Variants in ZNF827 observed in about 807,000 individuals in gnomAD.
The protein encoded by ZNF827 is zinc finger protein 827.
In ZNF827, 13 loss-of-function variants were observed where a neutral mutation model predicts 102.4. That is an observed-to-expected ratio of 0.13 (90% CI 0.08 to 0.20). The LOEUF (loss-of-function observed/expected upper bound fraction) is 0.20. Ranked by LOEUF, ZNF827 falls within the 10% of genes least tolerant of loss-of-function variation. The pLI is 1.00. For synonymous variants in ZNF827, 523 were observed against 536.2 expected, an observed-to-expected ratio of 0.98 and a Z score of 0.34; for missense variants, 1,103 against 1,344.4, an observed-to-expected ratio of 0.82 and a Z score of 2.81.
chr4:145,761,152 G>T lies in ZNF827; in HGVS notation c.*464C>A, dbSNP rs558191982. On this transcript the variant is annotated 3_prime_UTR_variant, in exon 15 of 15. Coordinates refer to ENST00000508784, the MANE Select transcript of ZNF827 (RefSeq NM_001306215.2). The surrounding 1 kb of genome is among the most constrained non-coding windows in gnomAD (Gnocchi z 6.8). ...CCCCGGGCCGGCCGGTTCCTTGGGG[G>T]CTGGACACAGGCCCTTCTTGTCCTC... 480 of 1,289,844 alleles carry T rather than the reference G, an allele frequency of 3.7e-4. 2 individuals are homozygous for T. Among genetic ancestry groups the T allele is most frequent in the Non-Finnish European group, 4.4e-4 (439 of 988,874 alleles). The allele number at this position is 1,289,844 out of a possible 1,614,324, so 79.9% of individuals were successfully genotyped here.
At chr4:145,932,965 A>T (rs1390445815) in intron 1 of ZNF827, among the ~76,000 whole-genome samples, 1 of 152,222 alleles carries the variant, frequency 6.6e-6, no homozygotes, top group Non-Finnish European at 1.5e-5. Context: ...ATGCACAGCA[A>T]GCTCTAACAC....
chr4:145,772,215 C>T lies in ZNF827; in HGVS notation c.2860+2291G>A, dbSNP rs541413046. Among the ~76,000 whole-genome samples, 107 of 152,330 alleles carry T rather than the reference C, an allele frequency of 7.0e-4. 2 individuals are homozygous for T. Among genetic ancestry groups the T allele is most frequent in the African/African-American group, 2.5e-3 (102 of 41,576 alleles). ...CAAATATATTCATTCACTGAAGGTA[C>T]ATTGATTCCCCACTTGTACTGTGTA... On this transcript the variant is annotated intron_variant, in intron 11 of 14. Coordinates refer to ENST00000508784, the MANE Select transcript of ZNF827 (RefSeq NM_001306215.2).
chr4:145,883,247 A>G (rs950454644), intron 4 of ZNF827, among the ~76,000 whole-genome samples: 2 of 152,180 alleles, frequency 1.3e-5, no homozygotes, highest in Non-Finnish European at 2.9e-5. Context: ...AACAGTGCAT[A>G]CAAGTCAGGT....
chr4:145,878,629 G>GGAAA (rs1270605656), intron 4 of ZNF827, among the ~76,000 whole-genome samples: 10 of 140,922 alleles, frequency 7.1e-5, no homozygotes, highest in African/African-American at 2.8e-4. Context: ...GGAAAGGAAA[G>GGAAA]GAAAGGAAAG....
Position 145,790,232 on chromosome 4 carries a change from A to G in ZNF827, c.2384-10721T>C, listed in dbSNP as rs549259355. Reference sequence around the variant, plus strand: ...ATATGAGAACACCTTGAGGAAAAACATTATCATTGTTTGGGCAGATATAAG... The same window carrying G: ...ATATGAGAACACCTTGAGGAAAAACGTTATCATTGTTTGGGCAGATATAAG... On this transcript the variant is annotated intron_variant, in intron 8 of 14. Transcript: ENST00000508784. 3.9e-5 allele frequency among the ~76,000 whole-genome samples: 6 copies of G among 152,284 alleles called. No individual in the cohort carries two copies. The East Asian group carries it at 1.2e-3, about 29-fold the overall frequency.
At chr4:145,826,330 A>C (rs752825692) in intron 7 of ZNF827, among the ~76,000 whole-genome samples, 7 of 152,256 alleles carry the variant, frequency 4.6e-5, no homozygotes, top group Admixed American at 1.3e-4. Flanking sequence ...TAAAGTTCTC[A>C]GTACATAGTA....
At chr4:145,767,685 G>C (rs1735522741) in intron 11 of ZNF827, among the ~76,000 whole-genome samples, 1 of 152,206 alleles carries the variant, frequency 6.6e-6, no homozygotes, top group Non-Finnish European at 1.5e-5. Flanking sequence ...TGGACACTAT[G>C]CAAGTAAGAA....
In ZNF827 at chr4:145,765,771, TG is replaced by T; in HGVS notation, c.2861-34del. On this transcript the variant is annotated intron_variant, in intron 11 of 14. Transcript: ENST00000508784. The surrounding 1 kb of genome is among the most constrained non-coding windows in gnomAD (Gnocchi z 4.7). ...ATAAGCAAATAACCCAGTCTGTTAA[TG>T]AGATGAAAATCCTCAGAATTATAGC... is the stretch of plus-strand genomic sequence containing the variant. 1 of 1,598,710 alleles carries T rather than the reference TG, an allele frequency of 6.3e-7. No individual in the cohort carries two copies. Among genetic ancestry groups the T allele is most frequent in the Non-Finnish European group, 8.5e-7 (1 of 1,171,536 alleles).
chr4:145,776,029 A>C, intron 9 of ZNF827, 69 bp from the exon 10 acceptor site: 1 of 1,570,226 alleles, frequency 6.4e-7, no homozygotes, highest in Non-Finnish European at 8.7e-7. Flanking sequence ...CCTTGCAAGA[A>C]TCAGTTAAAG....
At chr4:145,843,375 C>A (rs937634641) in intron 7 of ZNF827, among the ~76,000 whole-genome samples, 1 of 152,174 alleles carries the variant, frequency 6.6e-6, no homozygotes, top group South Asian at 2.1e-4. Flanking sequence ...TTTCCTCTTA[C>A]TCATAATCTC....
At chr4:145,912,125 AT>A (rs1752339395) in intron 1 of ZNF827, among the ~76,000 whole-genome samples, 1 of 152,240 alleles carries the variant, frequency 6.6e-6, no homozygotes, top group South Asian at 2.1e-4. Context: ...GTAACCAAAA[AT>A]TATCAAAGTG....
chr4:145,937,635 G>A (rs1325698710), intron 1 of ZNF827, among the ~76,000 whole-genome samples: 2 of 145,850 alleles, frequency 1.4e-5, no homozygotes, highest in Non-Finnish European at 3.0e-5. Context: ...GTGTACCCGT[G>A]TGTTTGTGTG....
At chr4:145,890,161 C>T (rs1047164156) in intron 3 of ZNF827, among the ~76,000 whole-genome samples, 1 of 151,902 alleles carries the variant, frequency 6.6e-6, no homozygotes, top group Non-Finnish European at 1.5e-5. Context: ...AAAAAAAGAA[C>T]AGCCAATAAG....
chr4:145,888,299 T>C (rs986172964), intron 3 of ZNF827, among the ~76,000 whole-genome samples: 1 of 152,204 alleles, frequency 6.6e-6, no homozygotes, highest in African/African-American at 2.4e-5. Context: ...CTCCTGACAT[T>C]CGAGCACTTT....
intron 5 of ZNF827, among the ~76,000 whole-genome samples, chr4:145,851,560 T>A (rs1746537506): frequency 6.6e-6 from 1 of 152,254 alleles, no homozygotes; most frequent in Non-Finnish European, 1.5e-5. Flanking sequence ...AATACAGTGC[T>A]ATCAATAAGA....
At chr4:145,779,647 G>A (rs1737661789) in intron 8 of ZNF827, 136 bp from the exon 9 acceptor site, 2 of 1,229,912 alleles carry the variant, frequency 1.6e-6, no homozygotes, top group Non-Finnish European at 2.2e-6. Context: ...TCCGTAACTG[G>A]TTTTCCTGCT....
At chr4:145,838,618 T>G (rs1015813545) in intron 7 of ZNF827, among the ~76,000 whole-genome samples, 2 of 152,080 alleles carry the variant, frequency 1.3e-5, no homozygotes, top group African/African-American at 4.8e-5. Flanking sequence ...CTGAATACTA[T>G]GCAAACATTA....
intron 8 of ZNF827, among the ~76,000 whole-genome samples, chr4:145,783,670 T>C (rs1365776558): frequency 1.3e-5 from 2 of 152,228 alleles, no homozygotes; most frequent in Non-Finnish European, 2.9e-5. Context: ...TGCTTTTCTG[T>C]TAAAATGAAG....
At chr4:145,935,711 G>A (rs532669125) in intron 1 of ZNF827, among the ~76,000 whole-genome samples, 37 of 152,258 alleles carry the variant, frequency 2.4e-4, no homozygotes, top group Admixed American at 4.6e-4. Flanking sequence ...CAGCAAAGTA[G>A]GAGAGCCCAC....
Sources: gnomAD v4.1 joint callset for allele counts (sites outside exome capture counted in the v4.1 genomes callset) on GRCh38, gnomAD v4.1.1 for gene constraint, Gnocchi (gnomAD v3.1) non-coding constraint, MANE v1.5 for transcripts, NCBI Gene and HGNC (gene_info 2026-07-23, HGNC 2026-07-21) for gene names.